The following FOXP2 variants were observed in gnomAD, a reference collection of about 807,000 sequenced individuals.
FOXP2 encodes forkhead box protein P2.
A neutral mutation model predicts 115.8 loss-of-function variants in FOXP2; 12 were observed. The ratio of observed to expected loss-of-function variants is 0.10; its 90% CI spans 0.07 to 0.17. The LOEUF is 0.17. Ranked by LOEUF, FOXP2 falls within the 10% of genes least tolerant of loss-of-function variation. The pLI is 1.00. For synonymous variants in FOXP2, 328 were observed against 297.7 expected (o/e 1.10, Z -1.05); for missense variants, 629 against 843.5 (o/e 0.75, Z 3.15).
At chr7:114,408,452 C>T (rs905740569) in intron 2 of FOXP2, among the ~76,000 whole-genome samples, 9 of 152,146 alleles carry the variant, frequency 5.9e-5, no homozygotes, top group South Asian at 2.1e-4. Flanking sequence ...ATGGGCCAGG[C>T]GCAGTGGCTC....
chr7:114,291,012 T>A (rs1404858856), intron 2 of FOXP2, among the ~76,000 whole-genome samples: 1 of 152,180 alleles, frequency 6.6e-6, no homozygotes, highest in African/African-American at 2.4e-5. Context: ...TAGGATAATC[T>A]AATTTATGTC....
intron 2 of FOXP2, among the ~76,000 whole-genome samples, chr7:114,494,082 T>A (rs1330746727): frequency 1.3e-5 from 2 of 152,048 alleles, no homozygotes; most frequent in Non-Finnish European, 2.9e-5. Flanking sequence ...GGTAACTTTT[T>A]AATTATTACT....
At chr7:114,568,208 G>T (rs1801116568) in intron 3 of FOXP2, among the ~76,000 whole-genome samples, 1 of 151,650 alleles carries the variant, frequency 6.6e-6, no homozygotes, top group Admixed American at 6.6e-5. Flanking sequence ...TTGTTCCTAT[G>T]GATAGATTAA....
At chr7:114,626,308 T>C (rs1366136326) in intron 3 of FOXP2, among the ~76,000 whole-genome samples, 1 of 151,858 alleles carries the variant, frequency 6.6e-6, no homozygotes, top group Non-Finnish European at 1.5e-5. Context: ...ATTATATGTA[T>C]AAGCTGAAAT....
chr7:114,534,943 T>C (rs1562982670), intron 3 of FOXP2, among the ~76,000 whole-genome samples: 1 of 151,782 alleles, frequency 6.6e-6, no homozygotes, highest in East Asian at 1.9e-4. Context: ...AGGAACCATA[T>C]TTGGTGTACA....
In FOXP2 at chr7:114,693,329, GAGCTACA is replaced by G. The variant is rs1438160970; in HGVS notation, c.*3404_*3410del. On this transcript the variant is annotated 3_prime_UTR_variant, in exon 17 of 17. Coordinates refer to ENST00000350908, the MANE Select transcript of FOXP2 (RefSeq NM_014491.4). ...ATCGAAGAATAGTCAGCTAGGAATA[GAGCTACA>G]GAAGTACACTTACATAAACCATCCT... 4.4e-6 allele frequency: 2 copies of G among 453,628 alleles called. No homozygotes were observed. Among genetic ancestry groups the G allele is most frequent in the South Asian group, 3.1e-5 (2 of 64,412 alleles). The allele number at this position is 453,628 out of a possible 1,614,324, so 28.1% of individuals were successfully genotyped here.
intron 2 of FOXP2, among the ~76,000 whole-genome samples, chr7:114,375,305 C>T (rs1413424954): frequency 1.3e-5 from 2 of 152,210 alleles, no homozygotes; most frequent in East Asian, 1.9e-4. Context: ...CCTTCCTCCT[C>T]GAGAGTATAA....
chr7:114,261,932 C>T (rs545686262), intron 1 of FOXP2, among the ~76,000 whole-genome samples: 18 of 152,172 alleles, frequency 1.2e-4, no homozygotes, highest in Non-Finnish European at 2.1e-4. Context: ...GTGGCGGCCA[C>T]CTGTAATCCC....
At chr7:114,527,178 T>TG (rs1199632487) in intron 2 of FOXP2, among the ~76,000 whole-genome samples, 3 of 152,256 alleles carry the variant, frequency 2.0e-5, no homozygotes, top group African/African-American at 7.2e-5. Flanking sequence ...ATTAAATAAA[T>TG]ATACCGTATT....
intron 13 of FOXP2, 85 bp downstream of exon 13, chr7:114,659,758 A>C (rs1806772294): frequency 9.5e-7 from 1 of 1,054,328 alleles, no homozygotes; most frequent in African/African-American, 1.6e-5. Flanking sequence ...TGACATAAGC[A>C]GATTAGTATC....
At chr7:114,445,439 C>A (rs1230324015) in intron 2 of FOXP2, among the ~76,000 whole-genome samples, 2 of 152,118 alleles carry the variant, frequency 1.3e-5, no homozygotes, top group East Asian at 3.8e-4. Flanking sequence ...CTTTACAATT[C>A]ATTTCCTTTT....
intron 2 of FOXP2, among the ~76,000 whole-genome samples, chr7:114,384,218 C>T (rs1179065699): frequency 1.3e-5 from 2 of 152,206 alleles, no homozygotes; most frequent in African/African-American, 2.4e-5. Flanking sequence ...CCAGCATGCC[C>T]AGCATTGCCT....
intron 1 of FOXP2, among the ~76,000 whole-genome samples, chr7:114,207,045 A>C (rs1289728945): frequency 1.3e-5 from 2 of 152,174 alleles, no homozygotes; most frequent in African/African-American, 4.8e-5. Context: ...ATTTCATATA[A>C]ATTGAGTAAT....
At chr7:114,354,995 G>A (rs1791584308) in intron 2 of FOXP2, among the ~76,000 whole-genome samples, 1 of 152,076 alleles carries the variant, frequency 6.6e-6, no homozygotes, top group Admixed American at 6.6e-5. Flanking sequence ...TTGAAGACAT[G>A]TCATCCATTT....
chr7:114,338,543 T>A (rs1791111602), intron 2 of FOXP2, among the ~76,000 whole-genome samples: 1 of 151,030 alleles, frequency 6.6e-6, no homozygotes, highest in Non-Finnish European at 1.5e-5. Context: ...CAATGTCATG[T>A]TTCCAGTACC....
intron 3 of FOXP2, among the ~76,000 whole-genome samples, chr7:114,568,495 T>A (rs1801132994): frequency 6.6e-6 from 1 of 151,766 alleles, no homozygotes; most frequent in Non-Finnish European, 1.5e-5. Flanking sequence ...ATCGTTTCGT[T>A]AAAATTTGGG....
chr7:114,348,940 G>A (rs546661295), intron 2 of FOXP2, among the ~76,000 whole-genome samples: 2 of 151,944 alleles, frequency 1.3e-5, no homozygotes, highest in African/African-American at 4.8e-5. Flanking sequence ...GGCCAAATGG[G>A]CTCATGATGG....
chr7:114,307,871 T>C (rs1024089101), intron 2 of FOXP2, among the ~76,000 whole-genome samples: 5 of 152,156 alleles, frequency 3.3e-5, no homozygotes, highest in Non-Finnish European at 7.3e-5. Context: ...TTGTCTGTTT[T>C]TGTAGCCTGT....
At chr7:114,407,347 A>G (rs1307509966) in intron 2 of FOXP2, among the ~76,000 whole-genome samples, 2 of 152,092 alleles carry the variant, frequency 1.3e-5, no homozygotes, top group African/African-American at 2.4e-5. Flanking sequence ...AGGTGTTTTA[A>G]TAGCATAGAA....
Sources: allele counts gnomAD v4.1 joint callset (sites outside exome capture counted in the v4.1 genomes callset), GRCh38; gene constraint gnomAD v4.1.1; transcripts MANE v1.5; gene names NCBI Gene and HGNC (gene_info 2026-07-23, HGNC 2026-07-21).